Variants in PGGT1B observed in about 807,000 individuals in gnomAD.
PGGT1B encodes the protein geranylgeranyl transferase type-1 subunit beta.
In PGGT1B, 30 loss-of-function variants were observed where a neutral mutation model predicts 46.1. That is an observed-to-expected ratio of 0.65 (90% CI 0.49 to 0.88). The LOEUF is 0.88. Among genes scored for constraint, PGGT1B ranks in the 40% least tolerant of loss-of-function variants. The probability of loss-of-function intolerance (pLI) is 0.00; values close to 1 mark genes in which losing one functional copy is unlikely to be tolerated. For missense variants in PGGT1B, 376 were observed against 455.9 expected, an observed-to-expected ratio of 0.82 and a Z score of 1.60; for synonymous variants, 170 against 160.0, an observed-to-expected ratio of 1.06 and a Z score of -0.47.
chr5:115,209,676 C>T lies in PGGT1B; in HGVS notation c.*2726G>A, dbSNP rs921300608. 4 of 151,986 alleles carry T rather than the reference C, an allele frequency of 2.6e-5. No homozygotes were observed. Among genetic ancestry groups the T allele is most frequent in the African/African-American group, 7.3e-5 (3 of 41,366 alleles). 9.4% of individuals were successfully genotyped at this position (151,986 alleles called of 1,614,324 possible). On this transcript the variant is annotated 3_prime_UTR_variant, in exon 9 of 9. Coordinates refer to ENST00000419445, the MANE Select transcript of PGGT1B (RefSeq NM_005023.4). Reference sequence around the variant, plus strand: ...AAACAACACTGTTGTCATCATTTTCCCTGAGGTTAAACTGTTAAGACCTCT... The same window carrying T: ...AAACAACACTGTTGTCATCATTTTCTCTGAGGTTAAACTGTTAAGACCTCT...
chr5:115,235,642 A>G (rs1219481043), intron 5 of PGGT1B, among the ~76,000 whole-genome samples: 2 of 152,216 alleles, frequency 1.3e-5, no homozygotes, highest in East Asian at 1.9e-4. Flanking sequence ...CCTATCAAAC[A>G]TAAATCTCTT....
rs1222979211 is a variant in PGGT1B, at chr5:115,209,770, G to A, written c.*2632C>T. 3 of 152,182 alleles carry A rather than the reference G, an allele frequency of 2.0e-5. No individual in the cohort carries two copies. The highest frequency in any genetic ancestry group is 7.2e-5 in the African/African-American group (3 of 41,534). The allele number at this position is 152,182 out of a possible 1,614,324, so 9.4% of individuals were successfully genotyped here. A position where few individuals can be genotyped will look rare whatever the true frequency, so the allele number is the denominator to read the frequency against. On this transcript the variant is annotated 3_prime_UTR_variant, in exon 9 of 9. Coordinates refer to ENST00000419445, the MANE Select transcript of PGGT1B (RefSeq NM_005023.4). ...GATCATTATAAAGAACCTATAATTT[G>A]AAATTTGCTGTATTCCAGGTACTAT...
intron 3 of PGGT1B, among the ~76,000 whole-genome samples, 188 bp from the exon 4 acceptor site, chr5:115,238,197 G>A (rs1298597011): frequency 6.6e-6 from 1 of 151,246 alleles, no homozygotes. Flanking sequence ...GATTGCACAG[G>A]CTACTTAATC....
intron 6 of PGGT1B, among the ~76,000 whole-genome samples, chr5:115,226,849 GA>G (rs1177231075): frequency 2.0e-5 from 3 of 151,960 alleles, no homozygotes; most frequent in Non-Finnish European, 2.9e-5. Context: ...GACAAAAGAT[GA>G]AGAAATGTTT....
chr5:115,254,485 G>A (rs1748231313), intron 1 of PGGT1B, among the ~76,000 whole-genome samples: 1 of 151,878 alleles, frequency 6.6e-6, no homozygotes, highest in Non-Finnish European at 1.5e-5. Context: ...TTTTTCACTT[G>A]TGGCTTCATG....
intron 1 of PGGT1B, among the ~76,000 whole-genome samples, chr5:115,257,291 T>A (rs1221704532): frequency 1.3e-5 from 2 of 151,992 alleles, no homozygotes; most frequent in African/African-American, 4.8e-5. Context: ...AGCGGGTGGA[T>A]CAACTGAGGT....
At chr5:115,252,443 CA>C (rs200196120) in intron 2 of PGGT1B, among the ~76,000 whole-genome samples, 4 of 148,954 alleles carry the variant, frequency 2.7e-5, no homozygotes, top group African/African-American at 2.5e-5. Flanking sequence ...CAACGAACCA[CA>C]AAAAAAAACA....
Position 115,235,796 on chromosome 5 carries a change from G to A in PGGT1B, c.612+594C>T, listed in dbSNP as rs17137556. Among the ~76,000 whole-genome samples, 26 of 152,062 alleles carry A rather than the reference G, an allele frequency of 1.7e-4. 1 individual carries two copies. Among genetic ancestry groups the A allele is most frequent in the African/African-American group, 6.3e-4 (26 of 41,482 alleles). ...CTCCATTCTTCTTAGGAACTCACAG[G>A]CATTTTCATTTTGAAATATTGCCTA... On this transcript the variant is annotated intron_variant, in intron 5 of 8. Transcript: ENST00000419445.
At position 115,212,524 on chromosome 5, in the gene PGGT1B, A is replaced by G. The variant is rs1756266721; in HGVS notation, c.1012T>C (p.Cys338Arg). The change falls in exon 9 of 9, where the codon TGT (cysteine) becomes CGT (arginine). Residue 338 changes from cysteine to arginine, a missense_variant. Physicochemically the swap from Cys to Arg is radical, Grantham distance 180. This residue lies in a region of PGGT1B where 222 missense variants were observed against 313.6 expected (regional missense o/e 0.71). Transcript: ENST00000419445. ...ACATTCAGAGCAGGATGAACTTTAC[A>G]AATTCCACTTTCCTCCATTAGTGAC... ...GLSLMEESGICKVHPALNVST... is the reference protein window; with the variant it reads ...GLSLMEESGIRKVHPALNVST... 1.5e-5 allele frequency: 25 copies of G among 1,613,732 alleles called. No homozygotes were observed. The highest frequency in any genetic ancestry group is 2.1e-5 in the Non-Finnish European group (25 of 1,179,810).
intron 4 of PGGT1B, 133 bp from the exon 5 acceptor site, chr5:115,236,655 TA>T: frequency 1.9e-6 from 1 of 519,184 alleles, no homozygotes. Flanking sequence ...TATTATTCAA[TA>T]TTCTACTTTT....
rs569819503 is a variant in PGGT1B, at chr5:115,225,386, C to G, written c.659-3378G>C. Among the ~76,000 whole-genome samples, 112 of 137,280 alleles carry G rather than the reference C, an allele frequency of 8.2e-4. 1 individual carries two copies. The highest frequency in any genetic ancestry group is 2.7e-3 in the African/African-American group (108 of 39,780). 90.1% of individuals were successfully genotyped at this position (137,280 alleles called of 152,430 possible). A position where few individuals can be genotyped will look rare whatever the true frequency, so the allele number is the denominator to read the frequency against. ...CCAACTGCAGGGTAAAGGAGGTGTT[C>G]CTGACTTCAGCTCTGTTATGTTATG... On this transcript the variant is annotated intron_variant, in intron 6 of 8. Coordinates refer to ENST00000419445, the MANE Select transcript of PGGT1B (RefSeq NM_005023.4).
chr5:115,221,147 G>A (rs569173771), intron 7 of PGGT1B, among the ~76,000 whole-genome samples: 2 of 151,956 alleles, frequency 1.3e-5, no homozygotes, highest in Admixed American at 1.3e-4. Flanking sequence ...GAAAAAATTA[G>A]GATATTATGG....
At chr5:115,242,547 T>C (rs1327323112) in intron 2 of PGGT1B, among the ~76,000 whole-genome samples, 1 of 152,212 alleles carries the variant, frequency 6.6e-6, no homozygotes, top group Non-Finnish European at 1.5e-5. Flanking sequence ...TTTTTCAGCT[T>C]CTTATCCCCC....
chr5:115,213,528 T>C (rs984138125), intron 8 of PGGT1B, among the ~76,000 whole-genome samples: 6 of 152,152 alleles, frequency 3.9e-5, no homozygotes, highest in Admixed American at 1.3e-4. Flanking sequence ...CCCAGCACTT[T>C]GGGAGGCCGA....
intron 5 of PGGT1B, chr5:115,231,832 A>C (rs1208470551): frequency 6.6e-6 from 1 of 152,134 alleles, no homozygotes; most frequent in Non-Finnish European, 1.5e-5. Context: ...AAACTTCAGT[A>C]ACCACAGCAG....
rs1035361213 is a variant in PGGT1B at position 115,253,328 on chromosome 5, A to G, written c.141-73T>C. ...AGTCTGAAGTCTTCCTGGTCTAGAA[A>G]AATAATAAAATCATTCTAATTTTCC... On this transcript the variant is annotated intron_variant, in intron 1 of 8. Coordinates refer to ENST00000419445, the MANE Select transcript of PGGT1B (RefSeq NM_005023.4). 5.8e-6 allele frequency: 7 copies of G among 1,205,860 alleles called. No individual in the cohort carries two copies. In the African/African-American group the frequency reaches 9.4e-5, roughly 16 times the overall value. The allele number at this position is 1,205,860 out of a possible 1,614,324, so 74.7% of individuals were successfully genotyped here. A position where few individuals can be genotyped will look rare whatever the true frequency, so the allele number is the denominator to read the frequency against.
At chr5:115,254,693 A>G (rs1309206809) in intron 1 of PGGT1B, among the ~76,000 whole-genome samples, 1 of 152,014 alleles carries the variant, frequency 6.6e-6, no homozygotes, top group Non-Finnish European at 1.5e-5. Flanking sequence ...GATATCAGAA[A>G]GTAATTTAAT....
At chr5:115,260,388 C>T (rs1748504102) in intron 1 of PGGT1B, among the ~76,000 whole-genome samples, 1 of 152,104 alleles carries the variant, frequency 6.6e-6, no homozygotes, top group Admixed American at 6.6e-5. Flanking sequence ...CATGGGGAGG[C>T]ACTCTATGAA....
At chr5:115,218,760 T>G (rs547065408) in intron 7 of PGGT1B, among the ~76,000 whole-genome samples, 1 of 151,988 alleles carries the variant, frequency 6.6e-6, no homozygotes, top group Non-Finnish European at 1.5e-5. Context: ...TGATCCTTAA[T>G]GCCTGTTAAA....
Sources: allele counts gnomAD v4.1 joint callset (sites outside exome capture counted in the v4.1 genomes callset), GRCh38; gene constraint gnomAD v4.1.1; regional missense constraint gnomAD v4.1.1; transcripts MANE v1.5; gene names NCBI Gene and HGNC (gene_info 2026-07-23, HGNC 2026-07-21).